Variants in PIK3C2G observed in about 807,000 individuals in gnomAD.
The protein encoded by PIK3C2G is phosphatidylinositol 3-kinase C2 domain-containing subunit gamma.
Under a neutral mutation model 181.1 loss-of-function variants are expected in PIK3C2G, and 168 were observed. That is an observed-to-expected ratio of 0.93 (90% CI 0.82 to 1.05). The LOEUF (loss-of-function observed/expected upper bound fraction) is 1.05. PIK3C2G is among the 50% of genes least tolerant of loss of function. PIK3C2G has a pLI of 0.00. For synonymous variants in PIK3C2G, 573 were observed against 592.2 expected (o/e 0.97, Z 0.47); for missense variants, 1,869 against 1,732.8 (o/e 1.08, Z -1.40).
intron 31 of PIK3C2G, among the ~76,000 whole-genome samples, chr12:18,622,857 A>C (rs1303136450): frequency 6.6e-6 from 1 of 151,732 alleles, no homozygotes; most frequent in Non-Finnish European, 1.5e-5. Context: ...CTTCTTTTGA[A>C]GTATGTCTAT....
intron 13 of PIK3C2G, among the ~76,000 whole-genome samples, chr12:18,374,625 C>T (rs967125722): frequency 6.6e-6 from 1 of 152,186 alleles, no homozygotes; most frequent in Non-Finnish European, 1.5e-5. Flanking sequence ...TTACTCCATG[C>T]ACACTCTGTA....
the PIK3C2G span, chr12:18,683,381 AAT>A: frequency 6.4e-6 from 10 of 1,558,604 alleles, no homozygotes; most frequent in South Asian, 1.1e-4. Context: ...TGGTGTCTCC[AAT>A]AGCCTTGCTG....
intron 29 of PIK3C2G, among the ~76,000 whole-genome samples, chr12:18,571,703 T>C (rs1404690064): frequency 6.6e-6 from 1 of 150,936 alleles, no homozygotes; most frequent in Non-Finnish European, 1.5e-5. Context: ...ATGATACAAC[T>C]TTTTCCATTG....
intron 16 of PIK3C2G, among the ~76,000 whole-genome samples, chr12:18,405,264 T>C (rs938515819): frequency 1.3e-5 from 2 of 152,042 alleles, no homozygotes; most frequent in East Asian, 3.9e-4. Flanking sequence ...TGAAAAACAA[T>C]GTGGGAGTTG....
chr12:18,567,656 C>T (rs761208576), intron 29 of PIK3C2G, among the ~76,000 whole-genome samples: 4 of 151,530 alleles, frequency 2.6e-5, no homozygotes, highest in Non-Finnish European at 5.9e-5. Context: ...GCATCTGAGC[C>T]GAGCCTTTAA....
intron 1 of PIK3C2G, among the ~76,000 whole-genome samples, chr12:18,262,170 C>G (rs752436696): frequency 2.0e-4 from 30 of 152,070 alleles, no homozygotes; most frequent in Non-Finnish European, 3.4e-4. Flanking sequence ...CCTCTTTATT[C>G]GTAGCTCACT....
chr12:18,565,550 C>T (rs566811767), intron 28 of PIK3C2G, among the ~76,000 whole-genome samples: 1 of 152,160 alleles, frequency 6.6e-6, no homozygotes, highest in African/African-American at 2.4e-5. Flanking sequence ...AATATCAAAT[C>T]AAATCTTTGT....
intron 29 of PIK3C2G, among the ~76,000 whole-genome samples, chr12:18,575,263 A>G (rs1946174843): frequency 6.6e-6 from 1 of 152,176 alleles, no homozygotes; most frequent in Non-Finnish European, 1.5e-5. Context: ...TCACCTTGAA[A>G]CTGATATAAG....
At chr12:18,500,121 C>G (rs1364430745) in intron 22 of PIK3C2G, among the ~76,000 whole-genome samples, 1 of 152,170 alleles carries the variant, frequency 6.6e-6, no homozygotes, top group South Asian at 2.1e-4. Context: ...GGAGCTGGCT[C>G]CCTCAGCTTG....
the PIK3C2G span, among the ~76,000 whole-genome samples, chr12:18,659,663 CTTTTTTTTT>C: frequency 7.5e-6 from 1 of 133,826 alleles, no homozygotes; most frequent in Non-Finnish European, 1.6e-5. Flanking sequence ...GTTCTCCATT[CTTTTTTTTT>C]TTTTTTTTAC....
chr12:18,376,492 G>A (rs1273532388), intron 13 of PIK3C2G, among the ~76,000 whole-genome samples: 1 of 152,190 alleles, frequency 6.6e-6, no homozygotes, highest in Non-Finnish European at 1.5e-5. Flanking sequence ...ATCTCCAGAT[G>A]AGACTTTGGA....
the PIK3C2G span, among the ~76,000 whole-genome samples, chr12:18,669,746 C>T: frequency 6.6e-6 from 1 of 152,134 alleles, no homozygotes; most frequent in South Asian, 2.1e-4. Context: ...CAACCTCCGC[C>T]TCCTGGGTTC....
intron 28 of PIK3C2G, among the ~76,000 whole-genome samples, chr12:18,566,419 C>T (rs1470633108): frequency 1.3e-5 from 2 of 152,202 alleles, no homozygotes; most frequent in African/African-American, 4.8e-5. Flanking sequence ...TCCAACCCAT[C>T]AAGATGAATC....
chr12:18,317,376 T>C (rs528289722), intron 6 of PIK3C2G, among the ~76,000 whole-genome samples: 31 of 152,234 alleles, frequency 2.0e-4, no homozygotes, highest in Non-Finnish European at 3.7e-4. Context: ...TATTACATTT[T>C]ATTAAAACTT....
At chr12:18,323,005 C>A (rs936623438) in intron 7 of PIK3C2G, among the ~76,000 whole-genome samples, 7 of 152,120 alleles carry the variant, frequency 4.6e-5, no homozygotes, top group Non-Finnish European at 8.8e-5. Flanking sequence ...CCTTGGGACA[C>A]AAAGGACTTT....
the PIK3C2G span, among the ~76,000 whole-genome samples, chr12:18,661,818 A>T: frequency 6.6e-6 from 1 of 152,192 alleles, no homozygotes; most frequent in African/African-American, 2.4e-5. Context: ...AAATTGTTCT[A>T]CCGTTGTAGA....
At chr12:18,517,668 T>C (rs1031457756) in intron 24 of PIK3C2G, among the ~76,000 whole-genome samples, 1 of 152,178 alleles carries the variant, frequency 6.6e-6, no homozygotes, top group African/African-American at 2.4e-5. Flanking sequence ...TAGAATCATG[T>C]TGCCTGCAAA....
intron 14 of PIK3C2G, among the ~76,000 whole-genome samples, chr12:18,382,266 TTC>T (rs1022948446): frequency 2.0e-5 from 3 of 152,232 alleles, no homozygotes; most frequent in Non-Finnish European, 4.4e-5. Flanking sequence ...TTAAAATCTC[TTC>T]TGTTATATGT....
intron 11 of PIK3C2G, among the ~76,000 whole-genome samples, chr12:18,353,802 C>T (rs1348096679): frequency 6.6e-6 from 1 of 152,160 alleles, no homozygotes; most frequent in Non-Finnish European, 1.5e-5. Context: ...TTTACCAAGG[C>T]CTCTCAGCCT....
Sources: allele counts gnomAD v4.1 joint callset (sites outside exome capture counted in the v4.1 genomes callset), GRCh38; gene constraint gnomAD v4.1.1; transcripts MANE v1.5; gene names NCBI Gene and HGNC (gene_info 2026-07-23, HGNC 2026-07-21).